Variants in IGHMBP2 observed in about 807,000 individuals in gnomAD.
IGHMBP2 encodes DNA-binding protein SMUBP-2.
A neutral mutation model predicts 96.0 loss-of-function variants in IGHMBP2; 81 were observed. The ratio of observed to expected loss-of-function variants is 0.84; its 90% CI spans 0.71 to 1.01. IGHMBP2 has a LOEUF of 1.01. Ranked by LOEUF, IGHMBP2 falls within the 50% of genes least tolerant of loss-of-function variation. The probability of loss-of-function intolerance (pLI) is 0.00; values close to 1 mark genes in which losing one functional copy is unlikely to be tolerated. For synonymous variants in IGHMBP2, 557 were observed against 548.9 expected, an observed-to-expected ratio of 1.01 and a Z score of -0.21; for missense variants, 1,227 against 1,306.3, an observed-to-expected ratio of 0.94 and a Z score of 0.94.
At chr11:68,904,476 C>T (rs566681990) in intron 1 of IGHMBP2, among the ~76,000 whole-genome samples, 66 of 152,278 alleles carry the variant, frequency 4.3e-4, no homozygotes, top group African/African-American at 1.5e-3. Context: ...GAGTCCCTTC[C>T]CCTCCAGTGC....
At chr11:68,915,579 G>T (rs1481673820) in intron 6 of IGHMBP2, among the ~76,000 whole-genome samples, 1 of 151,888 alleles carries the variant, frequency 6.6e-6, no homozygotes, top group African/African-American at 2.4e-5. Context: ...GCCTCCCGGG[G>T]TCAAGTGATT....
chr11:68,939,802 G>T lies in IGHMBP2; in HGVS notation c.*71G>T, dbSNP rs11819814. The stretch of plus-strand genomic sequence containing the variant: ...CCAGGGCGCTGGCAGACCATGCTCC[G>T]CCTCCACCAGGGCCACAGAGGAGCG... On this transcript the variant is annotated 3_prime_UTR_variant, in exon 15 of 15. Transcript: ENST00000255078. The T allele has an allele frequency of 6.1e-6, 9 of 1,470,264 alleles. No homozygotes were observed. In the Admixed American group the frequency reaches 1.6e-4, roughly 26 times the overall value. The allele number at this position is 1,470,264 out of a possible 1,614,324, so 91.1% of individuals were successfully genotyped here.
intron 13 of IGHMBP2, 52 bp downstream of exon 13, chr11:68,937,143 C>T (rs2154008968): frequency 1.3e-6 from 2 of 1,592,724 alleles, no homozygotes; most frequent in East Asian, 4.5e-5. Flanking sequence ...GGGGTGCTGG[C>T]CCCACTTGGA....
At chr11:68,925,614 C>G (rs757381969) in intron 7 of IGHMBP2, among the ~76,000 whole-genome samples, 1 of 152,310 alleles carries the variant, frequency 6.6e-6, no homozygotes, top group Non-Finnish European at 1.5e-5. Context: ...CTCCAAAGGA[C>G]TCCCTTTGGT....
intron 13 of IGHMBP2, chr11:68,937,964 T>G: frequency 3.4e-6 from 2 of 590,990 alleles, no homozygotes; most frequent in Non-Finnish European, 6.1e-6. Context: ...CTTTTTAATT[T>G]TTTTTAGAAT....
At chr11:68,905,526 G>A (rs746284555) in intron 1 of IGHMBP2, among the ~76,000 whole-genome samples, 6 of 152,212 alleles carry the variant, frequency 3.9e-5, no homozygotes. Context: ...CTGGCAGGGC[G>A]AGCCTGGGAA....
At position 68,914,367 on chromosome 11, in the gene IGHMBP2, C is replaced by T. The variant is rs888358918; in HGVS notation, c.712-456C>T. ...GAGACAACTGTGAGTCCATTTGAAACGGGAAGGGTTCCCTTGTCCCCCTCG... is the reference window on the plus strand; with the variant it reads ...GAGACAACTGTGAGTCCATTTGAAATGGGAAGGGTTCCCTTGTCCCCCTCG... On this transcript the variant is annotated intron_variant, in intron 5 of 14. Transcript: ENST00000255078. Among the ~76,000 whole-genome samples, 14 of 152,014 alleles carry T rather than the reference C, an allele frequency of 9.2e-5. No individual in the cohort carries two copies. The East Asian group carries it at 9.6e-4, about 10-fold the overall frequency.
chr11:68,919,866 T>A (rs1318560249), intron 7 of IGHMBP2, among the ~76,000 whole-genome samples: 1 of 152,242 alleles, frequency 6.6e-6, no homozygotes, highest in East Asian at 1.9e-4. Context: ...TTGTCTGACA[T>A]TAAAATAATC....
At chr11:68,918,460 G>A (rs1858754495) in intron 7 of IGHMBP2, among the ~76,000 whole-genome samples, 1 of 151,930 alleles carries the variant, frequency 6.6e-6, no homozygotes, top group Admixed American at 6.6e-5. Context: ...TAGCCAACAT[G>A]GTGAAACCCC....
chr11:68,935,771 G>A (rs1859503208), intron 12 of IGHMBP2, among the ~76,000 whole-genome samples: 1 of 152,232 alleles, frequency 6.6e-6, no homozygotes, highest in African/African-American at 2.4e-5. Flanking sequence ...TCGTGGCTGT[G>A]GTTTCTGTGC....
chr11:68,920,576 G>A (rs1858840593), intron 7 of IGHMBP2, among the ~76,000 whole-genome samples: 1 of 152,174 alleles, frequency 6.6e-6, no homozygotes, highest in Non-Finnish European at 1.5e-5. Flanking sequence ...TCAACCTCCT[G>A]GGCTGAAGTG....
chr11:68,915,248 C>G (rs1166347673), intron 6 of IGHMBP2, among the ~76,000 whole-genome samples: 3 of 127,008 alleles, frequency 2.4e-5, no homozygotes, highest in African/African-American at 9.2e-5. Flanking sequence ...GGTGCAATCT[C>G]GGCTCACTGC....
chr11:68,917,717 C>G lies in IGHMBP2; in HGVS notation c.913-19C>G, dbSNP rs1858723305. The G allele has an allele frequency of 5.6e-6, 9 of 1,600,056 alleles. No individual in the cohort carries two copies. The highest frequency in any genetic ancestry group is 7.7e-6 in the Non-Finnish European group (9 of 1,168,188). On this transcript the variant is annotated intron_variant, in intron 6 of 14. Coordinates refer to ENST00000255078, the MANE Select transcript of IGHMBP2 (RefSeq NM_002180.3). The stretch of plus-strand genomic sequence containing the variant: ...AAGTTGGACTGAAGTAAGTGTATCT[C>G]CTTTGTTTTTCTTTATAGGTGAAAA...
rs1057523857 is a variant in IGHMBP2, at chr11:68,936,824, G to A, written c.2344G>A (p.Val782Met). 6.2e-7 allele frequency: 1 copy of A among 1,613,812 alleles called. No individual in the cohort carries two copies. The highest frequency in any genetic ancestry group is 8.5e-7 in the Non-Finnish European group (1 of 1,180,034). ...SGEGKRRFITVSKRAPRPRAA... is the reference protein window; with the variant it reads ...SGEGKRRFITMSKRAPRPRAA... ...GGAAGGGAAGAGGAGGTTCATCACTGTGAGCAAGAGGGCCCCGCGACCCCG... is the reference window on the plus strand; with the variant it reads ...GGAAGGGAAGAGGAGGTTCATCACTATGAGCAAGAGGGCCCCGCGACCCCG... Residue 782 changes from valine to methionine, a missense_variant, in exon 13 of 15, where the codon GTG becomes ATG. Physicochemically the swap from Val to Met is conservative, Grantham distance 21. Transcript: ENST00000255078.
intron 2 of IGHMBP2, among the ~76,000 whole-genome samples, chr11:68,907,289 A>C (rs1858240616): frequency 1.3e-5 from 2 of 152,152 alleles, no homozygotes; most frequent in African/African-American, 4.8e-5. Context: ...GAAAAACTAC[A>C]TGTGACTCTC....
rs1247103419 is a variant in IGHMBP2, at chr11:68,929,199, C to T, written c.1077C>T (p.Gly359=). Residue 359 remains glycine (G), a synonymous_variant, in exon 8 of 15, where the codon GGC becomes GGT. Transcript: ENST00000255078. ...TTCCACCAGGTGCGTCTGCCGATGGCCCCCTGAAGTTGCTGCCCGAGAGCT... is the reference window on the plus strand; with the variant it reads ...TTCCACCAGGTGCGTCTGCCGATGGTCCCCTGAAGTTGCTGCCCGAGAGCT... ...LATNTGASAD[G]PLKLLPESYF... is the part of the protein sequence containing the mutation. 6.2e-7 allele frequency: 1 copy of T among 1,613,064 alleles called. No individual in the cohort carries two copies. Among genetic ancestry groups the T allele is most frequent in the Non-Finnish European group, 8.5e-7 (1 of 1,180,018 alleles).
rs58973076 is a variant in IGHMBP2 at position 68,926,266 on chromosome 11, CTT to C, written c.1061-2894_1061-2893del. ...TCAACTCCAGAATTTCTGTGTGGTG[CTT>C]TTTTTTTTTTTTTTTTTTTTTTAGA... On this transcript the variant is annotated intron_variant, in intron 7 of 14. Transcript: ENST00000255078. The C allele has an allele frequency of 6.7e-4, 69 of 102,438 alleles. No individual in the cohort carries two copies. In the East Asian group the frequency reaches 8.0e-3, roughly 12 times the overall value. The allele number at this position is 102,438 out of a possible 1,614,324, so 6.3% of individuals were successfully genotyped here.
chr11:68,921,263 T>G (rs998188897), intron 7 of IGHMBP2, among the ~76,000 whole-genome samples: 1 of 151,890 alleles, frequency 6.6e-6, no homozygotes, highest in Non-Finnish European at 1.5e-5. Context: ...TATTTATTTA[T>G]TTTTAAAAGA....
intron 7 of IGHMBP2, among the ~76,000 whole-genome samples, chr11:68,926,873 C>G (rs12146657): frequency 0.18 from 27,673 of 152,086 alleles, 2,931 homozygotes; most frequent in Non-Finnish European, 0.25. Context: ...TCAAGCGATT[C>G]TCCTGCCTTA....
Sources: gnomAD v4.1 joint callset for allele counts (sites outside exome capture counted in the v4.1 genomes callset) on GRCh38, gnomAD v4.1.1 for gene constraint, MANE v1.5 for transcripts, NCBI Gene and HGNC (gene_info 2026-07-23, HGNC 2026-07-21) for gene names.